Variants in JMJD1C observed in about 807,000 individuals in gnomAD.
The protein encoded by JMJD1C is jumonji domain containing 1C.
In JMJD1C, 31 loss-of-function variants were observed where a neutral mutation model predicts 245.3. The observed-to-expected ratio is 0.13, with a 90% confidence interval of 0.09 to 0.17. The LOEUF (loss-of-function observed/expected upper bound fraction) is 0.17. Ranked by LOEUF, JMJD1C falls within the 10% of genes least tolerant of loss-of-function variation. JMJD1C has a pLI of 1.00. For missense variants in JMJD1C, 2,691 were observed against 3,000.2 expected, an observed-to-expected ratio of 0.90 and a Z score of 2.41; for synonymous variants, 1,057 against 1,017.4, an observed-to-expected ratio of 1.04 and a Z score of -0.74.
intron 1 of JMJD1C, among the ~76,000 whole-genome samples, chr10:63,491,748 C>A (rs144437777): frequency 3.3e-5 from 5 of 152,328 alleles, no homozygotes; most frequent in African/African-American, 4.8e-5. Flanking sequence ...ATAGCTACAA[C>A]CCCCCTCCAG....
At chr10:63,201,174 G>GT (rs1401724765) in intron 10 of JMJD1C, among the ~76,000 whole-genome samples, 1 of 152,142 alleles carries the variant, frequency 6.6e-6, no homozygotes, top group African/African-American at 2.4e-5. Flanking sequence ...ATTTTCCAAG[G>GT]TAAGTGTGGC....
In JMJD1C at chr10:63,191,870, C is replaced by T. The variant is rs562123919; in HGVS notation, c.6077-762G>A. Among the ~76,000 whole-genome samples the T allele has an allele frequency of 7.0e-5, 9 of 128,026 alleles. No homozygotes were observed. The East Asian group carries it at 9.4e-4, about 13-fold the overall frequency. 84.0% of individuals were successfully genotyped at this position (128,026 alleles called of 152,430 possible). A position where few individuals can be genotyped will look rare whatever the true frequency, so the allele number is the denominator to read the frequency against. ...CATTGTGGCACGTGCCTGTACTCCC[C>T]GCTACTTGGGAGGCTGAGGCACAAG... On this transcript the variant is annotated intron_variant, in intron 16 of 25. Transcript: ENST00000399262.
intron 3 of JMJD1C, among the ~76,000 whole-genome samples, chr10:63,254,859 C>A (rs775359187): frequency 6.8e-6 from 1 of 146,486 alleles, no homozygotes; most frequent in Non-Finnish European, 1.5e-5. Context: ...AGCTCCCCCC[C>A]TTTTTTTTTT....
chr10:63,215,431 T>G lies in JMJD1C; in HGVS notation c.847A>C (p.Asn283His). The change falls in exon 7 of 26, where the codon AAT (asparagine) becomes CAT (histidine). Residue 283 changes from asparagine to histidine, a missense_variant. Physicochemically the swap from Asn to His is moderately conservative, Grantham distance 68. Coordinates refer to ENST00000399262, the MANE Select transcript of JMJD1C (RefSeq NM_032776.3). ...VHSHYTRAQANSPRPAMNSQA... is the reference protein window; with the variant it reads ...VHSHYTRAQAHSPRPAMNSQA... ...GAGTTCATTGCTGGTCTGGGACTAT[T>G]TGCTTGGGCACGTGTATAATGGCTC... The G allele has an allele frequency of 6.2e-7, 1 of 1,614,164 alleles. No homozygotes were observed. The highest frequency in any genetic ancestry group is 8.5e-7 in the Non-Finnish European group (1 of 1,180,026).
At chr10:63,506,212 T>C (rs979718614) in intron 1 of JMJD1C, among the ~76,000 whole-genome samples, 5 of 152,142 alleles carry the variant, frequency 3.3e-5, no homozygotes, top group African/African-American at 9.7e-5. Flanking sequence ...TTGATCAATA[T>C]AATAAAGGAA....
chr10:63,433,581 C>A (rs971954595), intron 1 of JMJD1C, among the ~76,000 whole-genome samples: 4 of 140,226 alleles, frequency 2.9e-5, no homozygotes, highest in African/African-American at 5.2e-5. Flanking sequence ...CTTTTCTTTT[C>A]TTTTCTTTTT....
intron 2 of JMJD1C, among the ~76,000 whole-genome samples, chr10:63,362,387 T>C (rs1415822898): frequency 2.6e-5 from 4 of 152,202 alleles, no homozygotes; most frequent in African/African-American, 9.6e-5. Context: ...TAACTTTAAG[T>C]GCACAATTCT....
intron 14 of JMJD1C, 26 bp downstream of exon 14, chr10:63,194,260 A>C: frequency 7.1e-7 from 1 of 1,402,034 alleles, no homozygotes; most frequent in East Asian, 2.3e-5. Context: ...AAGAGCAGTT[A>C]TATTACATGA....
intron 17 of JMJD1C, among the ~76,000 whole-genome samples, chr10:63,189,929 T>C (rs6479887): frequency 0.99 from 147,928 of 150,144 alleles, 72,907 homozygotes; most frequent in Middle Eastern, 1. Flanking sequence ...CTCACTCTGT[T>C]GCCCAGGCTA....
chr10:63,285,860 C>T (rs1857929874), intron 2 of JMJD1C, among the ~76,000 whole-genome samples: 1 of 152,168 alleles, frequency 6.6e-6, no homozygotes, highest in African/African-American at 2.4e-5. Context: ...TTCTAAAAAG[C>T]CAATGCCATA....
intron 10 of JMJD1C, among the ~76,000 whole-genome samples, chr10:63,202,110 C>T (rs905202277): frequency 5.3e-5 from 8 of 151,956 alleles, no homozygotes; most frequent in African/African-American, 1.9e-4. Flanking sequence ...AAAAATTAGC[C>T]AGGCGCGGTA....
chr10:63,380,140 C>T (rs1323573212), intron 2 of JMJD1C, 178 bp downstream of exon 2: 40 of 510,488 alleles, frequency 7.8e-5, no homozygotes, highest in Admixed American at 3.7e-4. Context: ...GATGGGGTCT[C>T]GCTTTTTTGC....
At chr10:63,283,919 A>G (rs2133901143) in intron 2 of JMJD1C, among the ~76,000 whole-genome samples, 1 of 152,338 alleles carries the variant, frequency 6.6e-6, no homozygotes, top group East Asian at 1.9e-4. Flanking sequence ...AAAATGCTAC[A>G]TAGAGAAGCA....
intron 2 of JMJD1C, among the ~76,000 whole-genome samples, chr10:63,274,292 C>T (rs1008321410): frequency 6.6e-6 from 1 of 152,292 alleles, no homozygotes; most frequent in Non-Finnish European, 1.5e-5. Context: ...AGGTCATACG[C>T]AGTGGTTCAC....
At chr10:63,416,876 C>G (rs1221804499) in intron 1 of JMJD1C, among the ~76,000 whole-genome samples, 1 of 152,090 alleles carries the variant, frequency 6.6e-6, no homozygotes, top group Non-Finnish European at 1.5e-5. Context: ...ATTGATTTTT[C>G]AATTTCACAC....
chr10:63,358,701 G>C (rs2134343433), intron 2 of JMJD1C: 1 of 152,280 alleles, frequency 6.6e-6, no homozygotes, highest in South Asian at 2.1e-4. Flanking sequence ...TATGGCAGTA[G>C]AAGAGTGGGG....
intron 3 of JMJD1C, among the ~76,000 whole-genome samples, chr10:63,239,404 C>A (rs1220510999): frequency 6.6e-6 from 1 of 151,902 alleles, no homozygotes; most frequent in Non-Finnish European, 1.5e-5. Context: ...TTCTGGGAGA[C>A]TAATATGTAA....
intron 7 of JMJD1C, 42 bp downstream of exon 7, chr10:63,215,221 T>C: frequency 6.4e-7 from 1 of 1,553,808 alleles, no homozygotes; most frequent in South Asian, 1.2e-5. Flanking sequence ...GTATTTTTGT[T>C]TTATTTGTTT....
At position 63,177,695 on chromosome 10, in the gene JMJD1C, T is replaced by C. The variant is rs760925143; in HGVS notation, c.7224+22A>G. ...AGTCCTTGCTTGAGGGGAAGAGATA[T>C]TATTTGCAAACTAACTTATACCTTT... On this transcript the variant is annotated intron_variant, in intron 23 of 25. Coordinates refer to ENST00000399262, the MANE Select transcript of JMJD1C (RefSeq NM_032776.3). The C allele has an allele frequency of 7.4e-6, 12 of 1,612,736 alleles. No homozygotes were observed. The East Asian group carries it at 2.2e-4, about 30-fold the overall frequency.
Sources: gnomAD v4.1 joint callset for allele counts (sites outside exome capture counted in the v4.1 genomes callset) on GRCh38, gnomAD v4.1.1 for gene constraint, MANE v1.5 for transcripts, NCBI Gene and HGNC (gene_info 2026-07-23, HGNC 2026-07-21) for gene names.